SNRPA: variants seen among roughly 807,000 people sequenced by gnomAD.
The protein encoded by SNRPA is small nuclear ribonucleoprotein polypeptide A.
Under a neutral mutation model 24.5 loss-of-function variants are expected in SNRPA, and 10 were observed. The ratio of observed to expected loss-of-function variants is 0.41; its 90% CI spans 0.25 to 0.69. SNRPA has a LOEUF of 0.69. Among genes scored for constraint, SNRPA ranks in the 30% least tolerant of loss-of-function variants. The pLI is 0.33. For synonymous variants in SNRPA, 165 were observed against 148.4 expected (o/e 1.11, Z -0.81); for missense variants, 283 against 394.7 (o/e 0.72, Z 2.40).
chr19:40,764,964 TA>T, intron 5 of SNRPA, 43 bp from the exon 6 acceptor site: 1 of 1,488,112 alleles, frequency 6.7e-7, no homozygotes, highest in Non-Finnish European at 9.0e-7. Flanking sequence ...GCCGTTACGT[TA>T]GGGGGAAATG....
At position 40,759,505 on chromosome 19, in the gene SNRPA, G is replaced by A; in HGVS notation, c.321G>A (p.Lys107=). 1 of 1,614,042 alleles carries A rather than the reference G, an allele frequency of 6.2e-7. No homozygotes were observed. Among genetic ancestry groups the A allele is most frequent in the African/African-American group, 1.3e-5 (1 of 74,994 alleles). ...MKGTFVERDR[K]REKRKPKSQE... ...GCACCTTCGTGGAGCGGGACCGCAA[G>A]CGGGAGAAGAGGAAGCCCAAGAGCC... Residue 107 remains lysine (K), a synonymous_variant, in exon 3 of 6, where the codon AAG becomes AAA. Transcript: ENST00000243563.
chr19:40,762,527 T>G (rs2082937151), intron 3 of SNRPA, among the ~76,000 whole-genome samples: 1 of 151,896 alleles, frequency 6.6e-6, no homozygotes, highest in Non-Finnish European at 1.5e-5. Context: ...TACCACACAT[T>G]TCTTTCTGCA....
chr19:40,751,355 C>T lies in SNRPA; in HGVS notation c.-54C>T. Reference sequence around the variant, plus strand: ...TTGGGACAAAGGATTTGGAGAAACCCAGGGCTAAAGTCACGTTTTTCCTCC... The same window carrying T: ...TTGGGACAAAGGATTTGGAGAAACCTAGGGCTAAAGTCACGTTTTTCCTCC... On this transcript the variant is annotated 5_prime_UTR_variant, in exon 1 of 6. Coordinates refer to ENST00000243563, the MANE Select transcript of SNRPA (RefSeq NM_004596.5). 7.3e-7 allele frequency: 1 copy of T among 1,373,080 alleles called. No individual in the cohort carries two copies. The highest frequency in any genetic ancestry group is 1.0e-6 in the Non-Finnish European group (1 of 960,690). 85.1% of individuals were successfully genotyped at this position (1,373,080 alleles called of 1,614,324 possible). A position where few individuals can be genotyped will look rare whatever the true frequency, so the allele number is the denominator to read the frequency against.
chr19:40,763,768 CT>C, intron 5 of SNRPA, 93 bp downstream of exon 5: 1 of 1,068,556 alleles, frequency 9.4e-7, no homozygotes, highest in Non-Finnish European at 1.5e-6. Context: ...CAGCAGAGCT[CT>C]GAGCCAAGTA....
At position 40,765,310 on chromosome 19, in the gene SNRPA, C is replaced by T. The variant is rs1467582725; in HGVS notation, c.*143C>T. The T allele has an allele frequency of 2.2e-6, 1 of 454,614 alleles. No individual in the cohort carries two copies. The highest frequency in any genetic ancestry group is 3.6e-5 in the East Asian group (1 of 27,862). 28.2% of individuals were successfully genotyped at this position (454,614 alleles called of 1,614,324 possible). On this transcript the variant is annotated 3_prime_UTR_variant, in exon 6 of 6. Coordinates refer to ENST00000243563, the MANE Select transcript of SNRPA (RefSeq NM_004596.5). ...GAGTGGTCGCCACACAGCATTGTAC[C>T]CAGAGTCTGTCCCCAGACATTGCAC...
At position 40,763,041 on chromosome 19, in the gene SNRPA, G is replaced by C; in HGVS notation, c.567G>C (p.Gln189His). Residue 189 changes from glutamine (Q) to histidine (H), a missense_variant, in exon 4 of 6, where the codon CAG becomes CAC. Physicochemically the swap from Gln to His is conservative, Grantham distance 24. This residue lies in a region of SNRPA where 167 missense variants were observed against 174.3 expected (regional missense o/e 0.96). Transcript: ENST00000243563. ...CACCAGGGGCCATGCCCCCGCAGCA[G>C]CTTATGCCAGGACAGATGCCCCCTG... ...QIPPGAMPPQ[Q>H]LMPGQMPPAQ... 1 of 1,600,480 alleles carries C rather than the reference G, an allele frequency of 6.2e-7. No homozygotes were observed. Among genetic ancestry groups the C allele is most frequent in the Non-Finnish European group, 8.5e-7 (1 of 1,173,196 alleles).
At chr19:40,753,130 A>G (rs1568483602) in intron 1 of SNRPA, among the ~76,000 whole-genome samples, 1 of 152,080 alleles carries the variant, frequency 6.6e-6, no homozygotes, top group Non-Finnish European at 1.5e-5. Context: ...TGAGGTGGGC[A>G]GATCATTTGA....
Position 40,757,351 on chromosome 19 carries a change from C to A in SNRPA, c.93C>A (p.Tyr31Ter), listed in dbSNP as rs149329472. Residue 31 changes from tyrosine to a stop codon, truncating the protein, a stop_gained, in exon 2 of 6, where the codon TAC (tyrosine) becomes TAA (stop). Transcript: ENST00000243563. LOFTEE classifies it high-confidence loss of function. ...CTGCAGAGCTAAAAAAGTCCCTGTACGCCATCTTCTCCCAGTTTGGCCAGA... is the reference window on the plus strand; with the variant it reads ...CTGCAGAGCTAAAAAAGTCCCTGTAAGCCATCTTCTCCCAGTTTGGCCAGA... ...IKKDELKKSL[Y>*]AIFSQFGQIL... is the part of the protein sequence containing the mutation. The A allele has an allele frequency of 1.9e-6, 3 of 1,613,930 alleles. No homozygotes were observed. The highest frequency in any genetic ancestry group is 2.5e-6 in the Non-Finnish European group (3 of 1,179,998).
chr19:40,752,824 T>A (rs2082888549), intron 1 of SNRPA, among the ~76,000 whole-genome samples: 1 of 152,184 alleles, frequency 6.6e-6, no homozygotes, highest in Non-Finnish European at 1.5e-5. Flanking sequence ...AATTATCACC[T>A]TTATTGAACC....
intron 1 of SNRPA, 112 bp from the exon 2 acceptor site, chr19:40,757,220 A>G (rs2082912121): frequency 1.0e-6 from 1 of 986,576 alleles, no homozygotes; most frequent in Non-Finnish European, 1.5e-6. Flanking sequence ...GTCTTGAGAG[A>G]TTATGGACCC....
At chr19:40,752,297 A>G (rs1458465134) in intron 1 of SNRPA, among the ~76,000 whole-genome samples, 1 of 151,748 alleles carries the variant, frequency 6.6e-6, no homozygotes, top group Admixed American at 6.6e-5. Flanking sequence ...AGATTGCGCC[A>G]TTGAACTACA....
rs974774371 is a variant in SNRPA at position 40,753,510 on chromosome 19, C to T, written c.73+2029C>T. 2.8e-5 allele frequency among the ~76,000 whole-genome samples: 4 copies of T among 142,900 alleles called. No individual in the cohort carries two copies. The Admixed American group carries it at 2.8e-4, about 10-fold the overall frequency. The allele number at this position is 142,900 out of a possible 152,430, so 93.7% of individuals were successfully genotyped here. A position where few individuals can be genotyped will look rare whatever the true frequency, so the allele number is the denominator to read the frequency against. On this transcript the variant is annotated intron_variant, in intron 1 of 5. Coordinates refer to ENST00000243563, the MANE Select transcript of SNRPA (RefSeq NM_004596.5). ...CTCCCAGGTTCAAGCGATTCTCCTG[C>T]CTCAGCCTCCCGAGTAGCTGGAATT...
At chr19:40,763,221 G>A (rs2082940647) in intron 4 of SNRPA, 147 bp downstream of exon 4, 13 of 634,540 alleles carry the variant, frequency 2.0e-5, no homozygotes, top group Admixed American at 3.0e-5. Context: ...AGCAGTGGGG[G>A]TGGGCCCTGG....
chr19:40,755,257 CTTTTTTTTTTTTTTTT>C (rs1004235207), intron 1 of SNRPA, among the ~76,000 whole-genome samples: 3 of 82,582 alleles, frequency 3.6e-5, no homozygotes, highest in South Asian at 8.6e-4. Context: ...TTTTTCTTTT[CTTTTTTTTTTTTTTTT>C]TTTTTTTTGG....
chr19:40,755,252 CTTTTCTTTTTTT>C (rs2082903693), intron 1 of SNRPA, among the ~76,000 whole-genome samples: 1 of 108,392 alleles, frequency 9.2e-6, no homozygotes, highest in Non-Finnish European at 1.9e-5. Context: ...AATTTTTTTT[CTTTTCTTTTTTT>C]TTTTTTTTTT....
intron 4 of SNRPA, chr19:40,763,329 C>T (rs1170934151): frequency 1.7e-6 from 1 of 594,482 alleles, no homozygotes; most frequent in Non-Finnish European, 3.0e-6. Context: ...TTGAGCGCCT[C>T]CTTACGTGCC....
rs148570231 is a variant in SNRPA at position 40,761,133 on chromosome 19, A to C, written c.426+1523A>C. Among the ~76,000 whole-genome samples the C allele has an allele frequency of 3.6e-4, 54 of 151,890 alleles. 1 individual carries two copies. In the East Asian group the frequency reaches 8.7e-3, roughly 25 times the overall value. On this transcript the variant is annotated intron_variant, in intron 3 of 5. Transcript: ENST00000243563. ...TGCCACCACGTCCATGTGCAAAAAA[A>C]AAAAAAAAACCTGCAGCAACCAACC...
In SNRPA at chr19:40,761,441, C is replaced by CTTTTCT. The variant is rs1424273874; in HGVS notation, c.427-1443_427-1438dup. On this transcript the variant is annotated intron_variant, in intron 3 of 5. Transcript: ENST00000243563. The stretch of plus-strand genomic sequence containing the variant: ...CAAAATATAGTTTCTTTTCTCTTTT[C>CTTTTCT]TTTTCTTTTTCTTTTTCTTTTTTTT... Among the ~76,000 whole-genome samples, 693 of 121,366 alleles carry CTTTTCT rather than the reference C, an allele frequency of 5.7e-3. 16 individuals carry two copies. The highest frequency in any genetic ancestry group is 0.019 in the African/African-American group (651 of 34,792). 79.6% of individuals were successfully genotyped at this position (121,366 alleles called of 152,430 possible).
chr19:40,757,980 A>G (rs2082915579), intron 2 of SNRPA, among the ~76,000 whole-genome samples: 1 of 151,436 alleles, frequency 6.6e-6, no homozygotes, highest in South Asian at 2.1e-4. Flanking sequence ...TAAATAAATT[A>G]TTTTGAGACA....
Sources: gnomAD v4.1 joint callset for allele counts (sites outside exome capture counted in the v4.1 genomes callset) on GRCh38, gnomAD v4.1.1 for gene constraint, gnomAD v4.1.1 regional missense constraint, MANE v1.5 for transcripts, NCBI Gene and HGNC (gene_info 2026-07-23, HGNC 2026-07-21) for gene names.